The following PSMA6 variants were observed in gnomAD, a reference collection of about 807,000 sequenced individuals.
The protein encoded by PSMA6 is proteasome 20S subunit alpha 6, also known as proteasome subunit alpha type-6.
For missense variants in PSMA6, 170 were observed against 294.8 expected, an observed-to-expected ratio of 0.58 and a Z score of 3.10; for synonymous variants, 88 against 97.7, an observed-to-expected ratio of 0.90 and a Z score of 0.59.
At chr14:35,305,644 C>A (rs1477296578) in intron 1 of PSMA6, among the ~76,000 whole-genome samples, 1 of 152,130 alleles carries the variant, frequency 6.6e-6, no homozygotes, top group African/African-American at 2.4e-5. Flanking sequence ...AGACTCAGTG[C>A]CCAGAGTGAC....
upstream of PSMA6, among the ~76,000 whole-genome samples, chr14:35,289,915 C>CAAAAAAAAAAAAAAAAAAAA (rs750610944): frequency 2.5e-5 from 2 of 79,620 alleles, 1 homozygote; most frequent in African/African-American, 1.0e-4. Flanking sequence ...TACCGCATTT[C>CAAAAAAAAAAAAAAAAAAAA]AAAAAAAAAA....
At chr14:35,305,644 C>T (rs1477296578) in intron 1 of PSMA6, among the ~76,000 whole-genome samples, 1 of 152,130 alleles carries the variant, frequency 6.6e-6, no homozygotes, top group African/African-American at 2.4e-5. Flanking sequence ...AGACTCAGTG[C>T]CCAGAGTGAC....
At chr14:35,282,385 C>G (rs932718715) in intron 1 of PSMA6, among the ~76,000 whole-genome samples, 3 of 151,912 alleles carry the variant, frequency 2.0e-5, no homozygotes, top group African/African-American at 7.3e-5. Flanking sequence ...CTGGCGCACT[C>G]TACCACCCCC....
At chr14:35,310,093 C>CTAAAAAA in intron 3 of PSMA6, 1 of 367,410 alleles carries the variant, frequency 2.7e-6, no homozygotes, top group Non-Finnish European at 5.3e-6. Context: ...TATGATGGCT[C>CTAAAAAA]ACTGGGTGCC....
intron 1 of PSMA6, among the ~76,000 whole-genome samples, chr14:35,298,383 G>A (rs1372279533): frequency 6.6e-6 from 1 of 151,994 alleles, no homozygotes; most frequent in Non-Finnish European, 1.5e-5. Flanking sequence ...CCAGCTACTA[G>A]GGAGGCTGAG....
chr14:35,294,330 C>G (rs1367229553), intron 1 of PSMA6, among the ~76,000 whole-genome samples: 1 of 152,216 alleles, frequency 6.6e-6, no homozygotes, highest in East Asian at 1.9e-4. Flanking sequence ...GGGCCTAGCA[C>G]CAGCCTAGAC....
At chr14:35,294,422 G>A (rs540994103) in intron 1 of PSMA6, among the ~76,000 whole-genome samples, 206 of 152,348 alleles carry the variant, frequency 1.4e-3, no homozygotes, top group Admixed American at 2.6e-3. Context: ...AAATGAAAGT[G>A]AAAGAGTAGT....
intron 5 of PSMA6, chr14:35,313,557 G>A (rs1306958528): frequency 1.3e-5 from 2 of 152,560 alleles, no homozygotes; most frequent in Admixed American, 1.3e-4. Context: ...TGGTTTGGAA[G>A]TATGCTTAAA....
At chr14:35,299,834 C>G (rs1015550960) in intron 1 of PSMA6, among the ~76,000 whole-genome samples, 13 of 152,080 alleles carry the variant, frequency 8.5e-5, no homozygotes, top group Admixed American at 6.6e-5. Flanking sequence ...TTTATACAAG[C>G]CTTTACTGAA....
At chr14:35,304,459 G>A (rs2051782477) in intron 1 of PSMA6, among the ~76,000 whole-genome samples, 1 of 152,112 alleles carries the variant, frequency 6.6e-6, no homozygotes, top group South Asian at 2.1e-4. Flanking sequence ...GGCTGAGCGC[G>A]GTCGCTCACA....
chr14:35,292,125 A>C (rs964900272), upstream of PSMA6, among the ~76,000 whole-genome samples: 4 of 152,224 alleles, frequency 2.6e-5, no homozygotes, highest in Non-Finnish European at 4.4e-5. Flanking sequence ...GCAAATCGCT[A>C]TTCTGGGCCC....
At chr14:35,298,731 A>T (rs560017577) in intron 1 of PSMA6, among the ~76,000 whole-genome samples, 13 of 151,368 alleles carry the variant, frequency 8.6e-5, no homozygotes, top group Admixed American at 8.6e-4. Flanking sequence ...TTATTTCTTT[A>T]TTATTATTAT....
At chr14:35,295,026 T>G (rs1350209534) in intron 1 of PSMA6, among the ~76,000 whole-genome samples, 2 of 152,078 alleles carry the variant, frequency 1.3e-5, no homozygotes, top group Non-Finnish European at 2.9e-5. Flanking sequence ...TATCAAAAAA[T>G]AGAGGTAGAC....
intron 1 of PSMA6, among the ~76,000 whole-genome samples, chr14:35,282,596 TACTTTGC>T (rs1439128796): frequency 6.6e-6 from 1 of 152,040 alleles, no homozygotes; most frequent in Non-Finnish European, 1.5e-5. Flanking sequence ...ATTAAAATGA[TACTTTGC>T]ACTTTGGGAG....
At chr14:35,281,843 C>T (rs2051369220) in intron 1 of PSMA6, among the ~76,000 whole-genome samples, 1 of 152,140 alleles carries the variant, frequency 6.6e-6, no homozygotes, top group African/African-American at 2.4e-5. Flanking sequence ...CTTGCCTTGG[C>T]CTCTCAAGGT....
intron 5 of PSMA6, 74 bp from the exon 6 acceptor site, chr14:35,314,287 G>A (rs1594395812): frequency 7.2e-7 from 1 of 1,388,332 alleles, no homozygotes; most frequent in South Asian, 1.7e-5. Context: ...CTCATGATTT[G>A]AATAAGCTAG....
rs141962820 is a variant in PSMA6, at chr14:35,307,138, A to G, written c.77-856A>G. ...ACTCCAACCTGGGCGACAGAGCGAG[A>G]CTCCATCTCAAAAAAGAAAAGAGTC... On this transcript the variant is annotated intron_variant, in intron 1 of 6. Coordinates refer to ENST00000261479, the MANE Select transcript of PSMA6 (RefSeq NM_002791.3). 2.5e-3 allele frequency among the ~76,000 whole-genome samples: 379 copies of G among 152,300 alleles called. 1 individual carries two copies. Among genetic ancestry groups the G allele is most frequent in the African/African-American group, 8.7e-3 (360 of 41,564 alleles).
At chr14:35,303,259 G>A (rs75460507) in intron 1 of PSMA6, among the ~76,000 whole-genome samples, 4,852 of 152,172 alleles carry the variant, frequency 0.032, 262 homozygotes, top group African/African-American at 0.11. Flanking sequence ...AATCTCACTC[G>A]GTTTCTTTTA....
At chr14:35,297,014 G>A (rs1369022217) in intron 1 of PSMA6, among the ~76,000 whole-genome samples, 1 of 132,666 alleles carries the variant, frequency 7.5e-6, no homozygotes, top group African/African-American at 2.9e-5. Flanking sequence ...CTGTTCTAAA[G>A]AGTAAAAGGT....
Sources: gnomAD v4.1 joint callset for allele counts (sites outside exome capture counted in the v4.1 genomes callset) on GRCh38, gnomAD v4.1.1 for gene constraint, MANE v1.5 for transcripts, NCBI Gene and HGNC (gene_info 2026-07-23, HGNC 2026-07-21) for gene names.